Variants in LIMCH1 observed in about 807,000 individuals in gnomAD.
LIMCH1 encodes the protein LIM and calponin homology domains 1.
A neutral mutation model predicts 176.5 loss-of-function variants in LIMCH1; 113 were observed. The observed-to-expected ratio is 0.64, with a 90% CI of 0.55 to 0.75. LIMCH1 has a LOEUF of 0.75. LIMCH1 is among the 30% of genes least tolerant of loss of function. The pLI is 0.00. For missense variants in LIMCH1, 1,674 were observed against 1,814.9 expected (o/e 0.92, Z 1.41); for synonymous variants, 619 against 645.9 (o/e 0.96, Z 0.63).
intron 1 of LIMCH1, among the ~76,000 whole-genome samples, chr4:41,428,470 G>C (rs1218994152): frequency 2.6e-5 from 4 of 152,166 alleles, no homozygotes; most frequent in African/African-American, 9.7e-5. Flanking sequence ...GAAGGGAGGG[G>C]GCAATTTCAA....
chr4:41,447,454 C>A (rs1355171615), intron 1 of LIMCH1, among the ~76,000 whole-genome samples: 1 of 152,160 alleles, frequency 6.6e-6, no homozygotes, highest in Non-Finnish European at 1.5e-5. Flanking sequence ...GCAGTGATGT[C>A]AATCCAAACT....
At chr4:41,693,146 CCTT>C (rs1471638379) in intron 31 of LIMCH1, 2 of 152,194 alleles carry the variant, frequency 1.3e-5, no homozygotes, top group Admixed American at 6.6e-5. Context: ...TGAGTACAGT[CCTT>C]CTGGTGGGTC....
chr4:41,454,544 G>A (rs2064302686), intron 1 of LIMCH1, among the ~76,000 whole-genome samples: 1 of 151,926 alleles, frequency 6.6e-6, no homozygotes, highest in Non-Finnish European at 1.5e-5. Context: ...CCAGCTGTTC[G>A]TTCTGTGCTG....
chr4:41,397,736 T>C (rs2057958726), intron 1 of LIMCH1, among the ~76,000 whole-genome samples: 1 of 152,218 alleles, frequency 6.6e-6, no homozygotes, highest in Non-Finnish European at 1.5e-5. Flanking sequence ...ATATTTGTAA[T>C]TGAATGTGCT....
At chr4:41,560,801 T>C (rs2081973243) in intron 1 of LIMCH1, among the ~76,000 whole-genome samples, 1 of 152,132 alleles carries the variant, frequency 6.6e-6, no homozygotes, top group African/African-American at 2.4e-5. Flanking sequence ...GATGGGTCAC[T>C]TGAGCTTAGG....
intron 2 of LIMCH1, chr4:41,524,357 G>A: frequency 7.3e-7 from 1 of 1,361,200 alleles, no homozygotes; most frequent in South Asian, 1.2e-5. Flanking sequence ...GGTGATTTGT[G>A]TGATCCATCT....
chr4:41,604,120 TC>T, intron 3 of LIMCH1: 1 of 814,458 alleles, frequency 1.2e-6, no homozygotes, highest in South Asian at 5.6e-5. Context: ...AGATAAGTGC[TC>T]AATCCAGAAA....
intron 2 of LIMCH1, among the ~76,000 whole-genome samples, chr4:41,503,560 G>A (rs1223987884): frequency 2.0e-5 from 3 of 152,176 alleles, no homozygotes; most frequent in African/African-American, 2.4e-5. Context: ...AGGTCTCTTT[G>A]AGGCCTTGGT....
At position 41,361,035 on chromosome 4, in the gene LIMCH1, G is replaced by C. The variant is rs935597666; in HGVS notation, c.96+99G>C. The C allele has an allele frequency of 2.0e-5, 15 of 737,054 alleles. No homozygotes were observed. The African/African-American group carries it at 2.6e-4, about 13-fold the overall frequency. The allele number at this position is 737,054 out of a possible 1,614,324, so 45.7% of individuals were successfully genotyped here. On this transcript the variant is annotated intron_variant, in intron 1 of 26. Transcript: ENST00000313860. The stretch of plus-strand genomic sequence containing the variant: ...GGTCCAGCCTTGCCTCCCCCCAACC[G>C]CCCCCACTTTCTTTTGCCAGCTGCT...
intron 18 of LIMCH1, among the ~76,000 whole-genome samples, chr4:41,656,079 A>G (rs143003130): frequency 1.4e-4 from 22 of 152,334 alleles, no homozygotes; most frequent in African/African-American, 4.6e-4. Flanking sequence ...CCTATTGGGT[A>G]TCTAAACTAC....
At chr4:41,491,862 G>A (rs956172090) in intron 1 of LIMCH1, among the ~76,000 whole-genome samples, 13 of 150,648 alleles carry the variant, frequency 8.6e-5, no homozygotes, top group South Asian at 2.1e-4. Flanking sequence ...GGGCAGAGGC[G>A]CTCCTCACTT....
intron 13 of LIMCH1, among the ~76,000 whole-genome samples, chr4:41,636,830 A>C (rs1318305141): frequency 1.3e-5 from 2 of 152,230 alleles, no homozygotes; most frequent in Non-Finnish European, 2.9e-5. Flanking sequence ...GACAAACTCA[A>C]GAGTACATAC....
At chr4:41,695,413 T>A (rs1211905928) in intron 31 of LIMCH1, among the ~76,000 whole-genome samples, 2 of 151,850 alleles carry the variant, frequency 1.3e-5, no homozygotes, top group Non-Finnish European at 2.9e-5. Context: ...TGGCCTGATT[T>A]TTTTTCCAGT....
chr4:41,562,733 T>C lies in LIMCH1; in HGVS notation c.-241+24383T>C, dbSNP rs568814781. Among the ~76,000 whole-genome samples the C allele has an allele frequency of 8.5e-5, 13 of 152,268 alleles. No individual in the cohort carries two copies. The East Asian group carries it at 2.3e-3, about 27-fold the overall frequency. On this transcript the variant is annotated intron_variant, in intron 1 of 31. Transcript: ENST00000503057. ...GTCTGGAAATAAGTATTGATCCCTG[T>C]ATCTCCCTTCTGTAGGGCTAAGGAT... is the stretch of plus-strand genomic sequence containing the variant.
Position 41,492,210 on chromosome 4 carries a change from G to A in LIMCH1, c.97-2326G>A, listed in dbSNP as rs372599028. Among the ~76,000 whole-genome samples the A allele has an allele frequency of 2.7e-4, 41 of 152,284 alleles. No individual in the cohort carries two copies. The East Asian group carries it at 3.3e-3, about 12-fold the overall frequency. On this transcript the variant is annotated intron_variant, in intron 1 of 26. Coordinates refer to the LIMCH1 transcript ENST00000313860. ...GAGGCCAGGAGCTGGAGACCAGTCC[G>A]GTCAACATGGCGAAACCCCGTCTCC...
chr4:41,504,113 G>A (rs2073833794), intron 2 of LIMCH1, among the ~76,000 whole-genome samples: 1 of 152,166 alleles, frequency 6.6e-6, no homozygotes, highest in African/African-American at 2.4e-5. Flanking sequence ...AGACCTTGGA[G>A]CTATCCAGTT....
At chr4:41,611,499 G>A (rs1478638552) in intron 4 of LIMCH1, among the ~76,000 whole-genome samples, 1 of 152,182 alleles carries the variant, frequency 6.6e-6, no homozygotes, top group East Asian at 1.9e-4. Context: ...TGCTGATGGT[G>A]GAACTGTAAC....
At chr4:41,552,003 G>A (rs138696856) in intron 1 of LIMCH1, among the ~76,000 whole-genome samples, 6 of 152,260 alleles carry the variant, frequency 3.9e-5, no homozygotes, top group East Asian at 1.9e-4. Flanking sequence ...GAACAGTTCC[G>A]CATGGCTGGG....
intron 2 of LIMCH1, among the ~76,000 whole-genome samples, chr4:41,602,208 T>C (rs147028672): frequency 9.3e-5 from 14 of 150,138 alleles, no homozygotes; most frequent in African/African-American, 2.9e-4. Flanking sequence ...CTACCTGTAA[T>C]GGATGCCAGA....
Sources: gnomAD v4.1 joint callset for allele counts (sites outside exome capture counted in the v4.1 genomes callset) on GRCh38, gnomAD v4.1.1 for gene constraint, MANE v1.5 for transcripts, NCBI Gene and HGNC (gene_info 2026-07-23, HGNC 2026-07-21) for gene names.